IDO2: variants seen among roughly 807,000 people sequenced by gnomAD.
The protein encoded by IDO2 is indoleamine 2,3-dioxygenase-like 1 protein.
Under a neutral mutation model 45.1 loss-of-function variants are expected in IDO2, and 46 were observed. The ratio of observed to expected loss-of-function variants is 1.02; its 90% confidence interval spans 0.80 to 1.30. IDO2 has a LOEUF of 1.30. Among genes scored for constraint, IDO2 ranks in the 50% most tolerant of loss-of-function variants. IDO2 has a pLI of 0.00. For synonymous variants in IDO2, 218 were observed against 184.9 expected, an observed-to-expected ratio of 1.18 and a Z score of -1.45; for missense variants, 544 against 491.8, an observed-to-expected ratio of 1.11 and a Z score of -1.00.
intron 4 of IDO2, among the ~76,000 whole-genome samples, chr8:39,980,086 G>T (rs1352147092): frequency 6.6e-6 from 1 of 152,166 alleles, no homozygotes; most frequent in Non-Finnish European, 1.5e-5. Context: ...TGCCTCCTGT[G>T]CTGGGATTAC....
At chr8:39,974,783 T>C (rs149933802) in intron 3 of IDO2, among the ~76,000 whole-genome samples, 2,112 of 152,270 alleles carry the variant, frequency 0.014, 46 homozygotes, top group African/African-American at 0.047. Flanking sequence ...TAGCTGGGCG[T>C]GGTGGCACGC....
chr8:40,011,067 T>C (rs2981153), intron 9 of IDO2, among the ~76,000 whole-genome samples: 78,335 of 151,922 alleles, frequency 0.52, 20,511 homozygotes, highest in South Asian at 0.58. Flanking sequence ...TGCACCACCA[T>C]ACCAGGCTAA....
chr8:39,953,703 C>T (rs987041039), intron 2 of IDO2, among the ~76,000 whole-genome samples: 13 of 152,270 alleles, frequency 8.5e-5, no homozygotes, highest in African/African-American at 1.2e-4. Context: ...GCTGGGATTA[C>T]AGGAGCCCAC....
intron 4 of IDO2, 65 bp from the exon 5 acceptor site, chr8:39,982,587 C>A: frequency 9.1e-7 from 1 of 1,104,012 alleles, no homozygotes; most frequent in Non-Finnish European, 1.3e-6. Context: ...AAAAGACAAC[C>A]ATGGTTATTT....
At chr8:40,015,461 G>A in exon 11 of IDO2, 1 of 1,613,912 alleles carries the variant, frequency 6.2e-7, no homozygotes, top group South Asian at 1.1e-5. Flanking sequence ...CTGCAGCCAA[G>A]GCAAAGCATG....
chr8:39,943,864 A>G (rs1384209110), intron 1 of IDO2, among the ~76,000 whole-genome samples: 1 of 152,146 alleles, frequency 6.6e-6, no homozygotes, highest in Non-Finnish European at 1.5e-5. Flanking sequence ...TACTCAACAT[A>G]GTACTTTAAG....
chr8:40,016,340 AAGT>A, exon 11 of IDO2: 1 of 395,082 alleles, frequency 2.5e-6, no homozygotes. Context: ...AACTGGGAAT[AAGT>A]AGTAAATCAA....
intron 1 of IDO2, among the ~76,000 whole-genome samples, chr8:39,948,874 CTG>C (rs1807775907): frequency 6.6e-6 from 1 of 152,150 alleles, no homozygotes; most frequent in African/African-American, 2.4e-5. Flanking sequence ...AAATTTGTCT[CTG>C]GGGTTAAAAC....
At chr8:39,971,815 C>CTT (rs34988083) in intron 3 of IDO2, among the ~76,000 whole-genome samples, 22 of 149,638 alleles carry the variant, frequency 1.5e-4, no homozygotes, top group Admixed American at 2.7e-4. Flanking sequence ...CTTTTCTTTT[C>CTT]TTTTTTTTTT....
chr8:39,942,517 A>C (rs34592369), intron 1 of IDO2, among the ~76,000 whole-genome samples: 18 of 152,128 alleles, frequency 1.2e-4, no homozygotes, highest in Non-Finnish European at 2.2e-4. Context: ...GCGGGCACTT[A>C]TAGTACCAAC....
At chr8:39,949,027 A>T (rs138886694) in intron 1 of IDO2, 122 bp from the exon 2 acceptor site, 23 of 1,281,858 alleles carry the variant, frequency 1.8e-5, no homozygotes, top group Non-Finnish European at 2.3e-5. Context: ...CTGGAATTCA[A>T]CCTCAGGGAA....
Position 39,934,915 on chromosome 8 carries a change from T to G in IDO2, c.-321T>G, listed in dbSNP as rs1473224980. 5.4e-6 allele frequency: 3 copies of G among 557,120 alleles called. No individual in the cohort carries two copies. The East Asian group carries it at 9.8e-5, about 18-fold the overall frequency. The allele number at this position is 557,120 out of a possible 1,614,324, so 34.5% of individuals were successfully genotyped here. Reference sequence around the variant, plus strand: ...CCTGGTAAGGGATCATTTGCTGGTGTCTGCAAAGTTGAGTCCATACACACT... The same window carrying G: ...CCTGGTAAGGGATCATTTGCTGGTGGCTGCAAAGTTGAGTCCATACACACT... On this transcript the variant is annotated 5_prime_UTR_variant, in exon 1 of 11. Transcript: ENST00000502986.
chr8:39,979,581 G>C (rs1808311322), intron 4 of IDO2, among the ~76,000 whole-genome samples: 1 of 151,868 alleles, frequency 6.6e-6, no homozygotes, highest in Admixed American at 6.6e-5. Flanking sequence ...TCGAACTCTT[G>C]ACCTCAGGTA....
chr8:40,013,458 C>A, intron 9 of IDO2, 107 bp from the exon 10 acceptor site: 1 of 1,108,560 alleles, frequency 9.0e-7, no homozygotes, highest in Non-Finnish European at 1.3e-6. Flanking sequence ...CCTAAAATTA[C>A]CATTGAAATC....
intron 2 of IDO2, among the ~76,000 whole-genome samples, chr8:39,961,443 C>T (rs937643479): frequency 7.3e-5 from 11 of 151,200 alleles, no homozygotes; most frequent in Non-Finnish European, 1.3e-4. Context: ...CTACATCAGC[C>T]TCCCGAGTAG....
intron 2 of IDO2, among the ~76,000 whole-genome samples, chr8:39,954,557 G>A (rs1807859937): frequency 6.6e-6 from 1 of 151,120 alleles, no homozygotes. Context: ...TTCTTCTGAT[G>A]TCTTGCTCCT....
At chr8:39,975,613 T>C (rs1015007965) in intron 3 of IDO2, among the ~76,000 whole-genome samples, 1 of 152,204 alleles carries the variant, frequency 6.6e-6, no homozygotes, top group African/African-American at 2.4e-5. Flanking sequence ...TGAAAAATGC[T>C]TAAAGTCTGG....
chr8:39,960,608 T>C (rs2129593750), intron 2 of IDO2, among the ~76,000 whole-genome samples: 1 of 152,346 alleles, frequency 6.6e-6, no homozygotes, highest in South Asian at 2.1e-4. Context: ...CCTGCTTCTA[T>C]GACCCTGACC....
At chr8:39,937,026 T>A (rs1040655397) in intron 1 of IDO2, among the ~76,000 whole-genome samples, 1 of 152,212 alleles carries the variant, frequency 6.6e-6, no homozygotes, top group Non-Finnish European at 1.5e-5. Context: ...TTCCCTGCAA[T>A]AGATACCCAT....
Sources: allele counts gnomAD v4.1 joint callset (sites outside exome capture counted in the v4.1 genomes callset), GRCh38; gene constraint gnomAD v4.1.1; transcripts MANE v1.5; gene names NCBI Gene and HGNC (gene_info 2026-07-23, HGNC 2026-07-21).